Variants in RIN3 observed in about 807,000 individuals in gnomAD.
The protein encoded by RIN3 is Ras and Rab interactor 3.
RIN3 carries 54 observed loss-of-function variants against 76.3 expected under a neutral mutation model. The ratio of observed to expected loss-of-function variants is 0.71; its 90% CI spans 0.57 to 0.89. RIN3 has a LOEUF of 0.89. Ranked by LOEUF, RIN3 falls within the 40% of genes least tolerant of loss-of-function variation. The pLI, the probability that RIN3 is intolerant of heterozygous loss-of-function variation, is 0.00. For missense variants in RIN3, 1,256 were observed against 1,322.1 expected (o/e 0.95, Z 0.78); for synonymous variants, 576 against 564.0 (o/e 1.02, Z -0.30).
intron 7 of RIN3, among the ~76,000 whole-genome samples, chr14:92,668,347 A>G (rs962469409): frequency 7.2e-5 from 11 of 152,226 alleles, no homozygotes; most frequent in Non-Finnish European, 1.2e-4. Flanking sequence ...TGAGTTTTGC[A>G]GTGCCTCCAA....
chr14:92,625,441 C>T (rs777183556), intron 4 of RIN3, among the ~76,000 whole-genome samples: 35 of 152,028 alleles, frequency 2.3e-4, no homozygotes, highest in Non-Finnish European at 1.0e-4. Context: ...TCTACTGGCC[C>T]GAACTGAGGT....
At position 92,665,418 on chromosome 14, in the gene RIN3, G is replaced by A. The variant is rs373924994; in HGVS notation, c.2335+5949G>A. 2.6e-3 allele frequency among the ~76,000 whole-genome samples: 309 copies of A among 116,756 alleles called. 8 individuals carry two copies. In the South Asian group the frequency reaches 0.049, roughly 19 times the overall value. The allele number at this position is 116,756 out of a possible 152,430, so 76.6% of individuals were successfully genotyped here. A position where few individuals can be genotyped will look rare whatever the true frequency, so the allele number is the denominator to read the frequency against. On this transcript the variant is annotated intron_variant, in intron 7 of 9. Coordinates refer to ENST00000216487, the MANE Select transcript of RIN3 (RefSeq NM_024832.5). ...TTTTGAGACAGAGTCTCGCTCTATCGCCCAGGCTGGAGTGCAGTGGCGCAA... is the reference window on the plus strand; with the variant it reads ...TTTTGAGACAGAGTCTCGCTCTATCACCCAGGCTGGAGTGCAGTGGCGCAA...
At chr14:92,644,780 C>T (rs1215989876) in intron 5 of RIN3, 1 of 152,226 alleles carries the variant, frequency 6.6e-6, no homozygotes. Context: ...CACATCCTAT[C>T]AAAGGCCAGA....
intron 5 of RIN3, among the ~76,000 whole-genome samples, chr14:92,642,433 C>T (rs2140132309): frequency 6.6e-6 from 1 of 152,252 alleles, no homozygotes; most frequent in East Asian, 1.9e-4. Flanking sequence ...GAGTGTTTCA[C>T]GCAGCTGCTC....
chr14:92,628,666 G>A (rs1435426215), intron 4 of RIN3, among the ~76,000 whole-genome samples: 2 of 152,164 alleles, frequency 1.3e-5, no homozygotes, highest in Admixed American at 6.5e-5. Flanking sequence ...GGTTTCTTTT[G>A]CCCTTAGCCA....
intron 3 of RIN3, among the ~76,000 whole-genome samples, chr14:92,594,110 G>A (rs1595441918): frequency 2.0e-5 from 3 of 152,024 alleles, no homozygotes; most frequent in Admixed American, 6.6e-5. Flanking sequence ...ATCCTGGGCC[G>A]TAATACACAC....
rs994591163 is a variant in RIN3, at chr14:92,531,565, A to G, written c.44+17589A>G. On this transcript the variant is annotated intron_variant, in intron 1 of 9. Coordinates refer to ENST00000216487, the MANE Select transcript of RIN3 (RefSeq NM_024832.5). ...CAGGCGGCCCCTGTCAAGAAGCGTC[A>G]GGACTGTAGTCGGCCTGGGGTGGGC... 2.6e-5 allele frequency among the ~76,000 whole-genome samples: 4 copies of G among 152,364 alleles called. No individual in the cohort carries two copies. In the East Asian group the frequency reaches 7.7e-4, roughly 29 times the overall value.
chr14:92,598,220 C>T (rs1022368890), intron 3 of RIN3, among the ~76,000 whole-genome samples: 6 of 152,118 alleles, frequency 3.9e-5, no homozygotes, highest in Non-Finnish European at 8.8e-5. Context: ...TGTGGAGAGG[C>T]CTGGACACTA....
chr14:92,653,984 C>T (rs1160359026), intron 6 of RIN3, among the ~76,000 whole-genome samples: 1 of 152,166 alleles, frequency 6.6e-6, no homozygotes, highest in African/African-American at 2.4e-5. Context: ...TGCCACTGTA[C>T]TCCAGTCTGG....
intron 3 of RIN3, among the ~76,000 whole-genome samples, chr14:92,602,351 G>T (rs2140089628): frequency 6.6e-6 from 1 of 152,334 alleles, no homozygotes; most frequent in East Asian, 1.9e-4. Context: ...CACAGGAAAG[G>T]CATCACTGCC....
At chr14:92,591,741 C>T (rs1476334849) in intron 3 of RIN3, among the ~76,000 whole-genome samples, 1 of 151,966 alleles carries the variant, frequency 6.6e-6, no homozygotes, top group Non-Finnish European at 1.5e-5. Context: ...TGAAATTGTT[C>T]CTTCAAAAGT....
chr14:92,600,061 G>T (rs1452762849), intron 3 of RIN3, among the ~76,000 whole-genome samples: 1 of 152,154 alleles, frequency 6.6e-6, no homozygotes, highest in Admixed American at 6.5e-5. Flanking sequence ...CTATGCCTGT[G>T]GTGGATTTAG....
At chr14:92,536,332 T>C (rs149417891) in intron 1 of RIN3, among the ~76,000 whole-genome samples, 103 of 152,350 alleles carry the variant, frequency 6.8e-4, no homozygotes, top group African/African-American at 2.3e-3. Context: ...GGACAAGATC[T>C]GTCCTTCTAT....
chr14:92,514,773 C>T lies in RIN3; in HGVS notation c.44+797C>T, dbSNP rs953806221. ...CGGGGCTGGGCTCTGGGAGAAAGTC[C>T]TCTCGCCTTGCCCAGCTCAGAGGGC... On this transcript the variant is annotated intron_variant, in intron 1 of 9. Transcript: ENST00000216487. This position sits in a 1 kb window ranked among gnomAD's most constrained non-coding sequence, Gnocchi z 7.2. 4.6e-5 allele frequency among the ~76,000 whole-genome samples: 7 copies of T among 152,232 alleles called. No individual in the cohort carries two copies. The highest frequency in any genetic ancestry group is 1.7e-4 in the African/African-American group (7 of 41,476).
chr14:92,636,488 G>A (rs1886781893), intron 4 of RIN3, among the ~76,000 whole-genome samples: 1 of 152,218 alleles, frequency 6.6e-6, no homozygotes. Context: ...GGTGGCTGAG[G>A]CAGGAGAACT....
At chr14:92,613,674 T>G (rs1885835161) in intron 3 of RIN3, among the ~76,000 whole-genome samples, 3 of 152,034 alleles carry the variant, frequency 2.0e-5, no homozygotes, top group Non-Finnish European at 4.4e-5. Flanking sequence ...AGGGAAGAGC[T>G]CCTTTCCCTT....
rs867395197 is a variant in RIN3 at position 92,681,683 on chromosome 14, G to A, written c.2468-3304G>A. Among the ~76,000 whole-genome samples, 3 of 152,104 alleles carry A rather than the reference G, an allele frequency of 2.0e-5. No individual in the cohort carries two copies. Among genetic ancestry groups the A allele is most frequent in the Admixed American group, 1.3e-4 (2 of 15,262 alleles). ...ACATAAGCCAGACAGGAAACAGGAC[G>A]ACTGAGGGATGCCAGGTAGAGGACG... is the stretch of plus-strand genomic sequence containing the variant. On this transcript the variant is annotated intron_variant, in intron 8 of 9. Coordinates refer to ENST00000216487, the MANE Select transcript of RIN3 (RefSeq NM_024832.5). The surrounding 1 kb of genome is among the most constrained non-coding windows in gnomAD (Gnocchi z 4.7).
intron 4 of RIN3, among the ~76,000 whole-genome samples, chr14:92,620,660 A>G (rs1450100688): frequency 6.6e-6 from 1 of 152,230 alleles, no homozygotes; most frequent in Non-Finnish European, 1.5e-5. Context: ...AGGAGAATAA[A>G]CAGCAAGTGA....
At chr14:92,649,607 C>T (rs1210278354) in intron 5 of RIN3, among the ~76,000 whole-genome samples, 1 of 152,138 alleles carries the variant, frequency 6.6e-6, no homozygotes, top group South Asian at 2.1e-4. Context: ...AGGCAAGGTG[C>T]CTGGGAGAGT....
Sources: gnomAD v4.1 joint callset for allele counts (sites outside exome capture counted in the v4.1 genomes callset) on GRCh38, gnomAD v4.1.1 for gene constraint, Gnocchi (gnomAD v3.1) non-coding constraint, MANE v1.5 for transcripts, NCBI Gene and HGNC (gene_info 2026-07-23, HGNC 2026-07-21) for gene names.